The following FAM135B variants were observed in gnomAD, a reference collection of about 807,000 sequenced individuals.
The protein encoded by FAM135B is family with sequence similarity 135 member B.
FAM135B carries 43 observed loss-of-function variants against 127.7 expected under a neutral mutation model. The ratio of observed to expected loss-of-function variants is 0.34; its 90% CI spans 0.26 to 0.43. The LOEUF is 0.43. Ranked by LOEUF, FAM135B falls within the 20% of genes least tolerant of loss-of-function variation. FAM135B has a pLI of 1.00. For missense variants in FAM135B, 1,558 were observed against 1,725.6 expected, an observed-to-expected ratio of 0.90 and a Z score of 1.72; for synonymous variants, 670 against 665.1, an observed-to-expected ratio of 1.01 and a Z score of -0.11.
intron 1 of FAM135B, among the ~76,000 whole-genome samples, chr8:138,473,720 C>G (rs1814210944): frequency 6.6e-6 from 1 of 152,110 alleles, no homozygotes; most frequent in East Asian, 1.9e-4. Flanking sequence ...ATCAGGAGAT[C>G]AGCCCAGTCA....
chr8:138,213,491 C>A (rs1368369365), intron 7 of FAM135B, among the ~76,000 whole-genome samples: 3 of 147,464 alleles, frequency 2.0e-5, no homozygotes, highest in Non-Finnish European at 4.5e-5. Flanking sequence ...GTGTTGTTTT[C>A]AATTTTATGT....
At chr8:138,448,106 G>A (rs2131578487) in intron 1 of FAM135B, among the ~76,000 whole-genome samples, 1 of 151,062 alleles carries the variant, frequency 6.6e-6, no homozygotes, top group South Asian at 2.1e-4. Flanking sequence ...AGGAAACAGA[G>A]GTCAGAAAAA....
intron 17 of FAM135B, 69 bp from the exon 18 acceptor site, chr8:138,139,165 T>C: frequency 1.0e-6 from 1 of 976,846 alleles, no homozygotes; most frequent in Non-Finnish European, 1.6e-6. Flanking sequence ...GGATGGAATT[T>C]TGGTGAGATG....
At chr8:138,310,527 C>T (rs1293776773) in intron 3 of FAM135B, among the ~76,000 whole-genome samples, 1 of 152,142 alleles carries the variant, frequency 6.6e-6, no homozygotes, top group East Asian at 1.9e-4. Flanking sequence ...CTTCTCTACC[C>T]ACTTGCTGGA....
At chr8:138,186,070 G>A (rs1815538986) in intron 9 of FAM135B, among the ~76,000 whole-genome samples, 1 of 152,118 alleles carries the variant, frequency 6.6e-6, no homozygotes, top group South Asian at 2.1e-4. Flanking sequence ...CCTGACTGGT[G>A]TCTGACACCC....
chr8:138,391,981 C>T (rs1365304668), intron 1 of FAM135B, among the ~76,000 whole-genome samples: 2 of 152,188 alleles, frequency 1.3e-5, no homozygotes, highest in African/African-American at 4.8e-5. Context: ...GTCTCTCTCA[C>T]CTCTTTGACC....
intron 2 of FAM135B, among the ~76,000 whole-genome samples, chr8:138,313,497 A>G (rs184586463): frequency 6.6e-6 from 1 of 151,912 alleles, no homozygotes; most frequent in Non-Finnish European, 1.5e-5. Context: ...AACATGAACC[A>G]TAAAAGAAAA....
intron 1 of FAM135B, among the ~76,000 whole-genome samples, chr8:138,416,110 G>T (rs963626953): frequency 2.0e-5 from 3 of 152,148 alleles, no homozygotes; most frequent in Non-Finnish European, 4.4e-5. Flanking sequence ...ATTCAGCTCA[G>T]TTTGTAAGGC....
chr8:138,365,448 A>G (rs561890939), intron 2 of FAM135B, among the ~76,000 whole-genome samples: 2 of 152,304 alleles, frequency 1.3e-5, no homozygotes, highest in African/African-American at 4.8e-5. Context: ...AAGGCCCAAT[A>G]TCCATTTAGA....
chr8:138,466,341 G>A (rs1397453545), intron 1 of FAM135B, among the ~76,000 whole-genome samples: 2 of 152,192 alleles, frequency 1.3e-5, no homozygotes, highest in African/African-American at 4.8e-5. Context: ...TCGGTCAGGA[G>A]AGAGAAGTAG....
intron 7 of FAM135B, among the ~76,000 whole-genome samples, chr8:138,202,736 G>T (rs1817243894): frequency 6.6e-6 from 1 of 152,214 alleles, no homozygotes; most frequent in African/African-American, 2.4e-5. Flanking sequence ...CCAGTGTAAA[G>T]TCAGTGCACA....
At chr8:138,163,257 A>G (rs1819569948) in intron 12 of FAM135B, among the ~76,000 whole-genome samples, 1 of 152,138 alleles carries the variant, frequency 6.6e-6, no homozygotes, top group Non-Finnish European at 1.5e-5. Context: ...AAGACTCAAA[A>G]CCAGACAATC....
intron 7 of FAM135B, among the ~76,000 whole-genome samples, chr8:138,226,580 T>G (rs1383889911): frequency 6.6e-6 from 1 of 152,016 alleles, no homozygotes; most frequent in Non-Finnish European, 1.5e-5. Context: ...GTTTTTGAGA[T>G]GGAGGCTCAC....
chr8:138,385,639 T>C (rs545627180), intron 1 of FAM135B, among the ~76,000 whole-genome samples: 1 of 151,984 alleles, frequency 6.6e-6, no homozygotes, highest in South Asian at 2.1e-4. Context: ...GGTGAAACAC[T>C]GTGTCTACTA....
chr8:138,255,511 G>T (rs1822011315), intron 5 of FAM135B, among the ~76,000 whole-genome samples: 1 of 152,200 alleles, frequency 6.6e-6, no homozygotes, highest in Admixed American at 6.5e-5. Flanking sequence ...CAGGAGAGAA[G>T]CTGAGGGTGG....
In FAM135B at chr8:138,145,998, A is replaced by G. The variant is rs143974870; in HGVS notation, c.3501T>C (p.Pro1167=). 3.1e-4 allele frequency: 498 copies of G among 1,610,628 alleles called. 1 individual carries two copies. The highest frequency in any genetic ancestry group is 4.2e-4 in the Non-Finnish European group (489 of 1,177,020). Residue 1167 remains proline (P), a synonymous_variant, in exon 15 of 20, where the codon CCT becomes CCC. Transcript: ENST00000395297. Reference sequence around the variant, plus strand: ...ACATTAGGAAGTCCAGTTTTCCTCCAGGGAGCCCCAGTTCTATGAAAGTCT... The same window carrying G: ...ACATTAGGAAGTCCAGTTTTCCTCCGGGGAGCCCCAGTTCTATGAAAGTCT... ...LVKTFIELGL[P]GGKLDFLMSE...
At chr8:138,459,864 C>T (rs1333966685) in intron 1 of FAM135B, among the ~76,000 whole-genome samples, 1 of 152,120 alleles carries the variant, frequency 6.6e-6, no homozygotes, top group African/African-American at 2.4e-5. Flanking sequence ...GGCCATGGAC[C>T]CTGGGTCCAG....
chr8:138,184,704 G>A (rs1815392459), intron 9 of FAM135B, among the ~76,000 whole-genome samples: 1 of 152,150 alleles, frequency 6.6e-6, no homozygotes, highest in Non-Finnish European at 1.5e-5. Context: ...ATGGCAGAGG[G>A]GGACCAGGAG....
In FAM135B at chr8:138,137,165, G is replaced by A; in HGVS notation, c.3997C>T (p.Leu1333Phe). The change falls in exon 19 of 20, where the codon CTC becomes TTC. Residue 1333 changes from leucine to phenylalanine, a missense_variant. Physicochemically the swap from Leu to Phe is conservative, Grantham distance 22. Coordinates refer to ENST00000395297, the MANE Select transcript of FAM135B (RefSeq NM_015912.4). ...AGCTTACCTGTGTGTCTGTCTTTGA[G>A]GGCAGTTTTACACATTTCAATCCTG... ...SARIEMCKTA[L>F]KDRHTGPVYA... The A allele has an allele frequency of 6.4e-7, 1 of 1,573,214 alleles. No individual in the cohort carries two copies. The highest frequency in any genetic ancestry group is 8.8e-7 in the Non-Finnish European group (1 of 1,142,454).
Sources: gnomAD v4.1 joint callset for allele counts (sites outside exome capture counted in the v4.1 genomes callset) on GRCh38, gnomAD v4.1.1 for gene constraint, MANE v1.5 for transcripts, NCBI Gene and HGNC (gene_info 2026-07-23, HGNC 2026-07-21) for gene names.